The following SLC8A1 variants were observed in gnomAD, a reference collection of about 807,000 sequenced individuals.
SLC8A1 encodes the protein solute carrier family 8 member A1, also known as sodium/calcium exchanger 1.
A neutral mutation model predicts 68.3 loss-of-function variants in SLC8A1; 18 were observed. The ratio of observed to expected loss-of-function variants is 0.26; its 90% confidence interval spans 0.18 to 0.39. SLC8A1 has a LOEUF of 0.39. SLC8A1 is among the 10% of genes least tolerant of loss of function. SLC8A1 has a pLI of 1.00. For missense variants in SLC8A1, 985 were observed against 1,156.7 expected, an observed-to-expected ratio of 0.85 and a Z score of 2.15; for synonymous variants, 475 against 415.5, an observed-to-expected ratio of 1.14 and a Z score of -1.74.
chr2:40,106,404 T>C (rs2034201116), exon 8 of SLC8A1: 3 of 152,094 alleles, frequency 2.0e-5, no homozygotes, highest in African/African-American at 7.2e-5. Context: ...CTTCTTTGGG[T>C]GCTAGACTCA....
intron 2 of SLC8A1, among the ~76,000 whole-genome samples, chr2:40,314,615 T>C (rs2074196305): frequency 6.6e-6 from 1 of 152,048 alleles, no homozygotes; most frequent in South Asian, 2.1e-4. Context: ...CTTAAAAATA[T>C]GATGTTTTCT....
At chr2:40,352,552 T>G (rs1360036607) in intron 2 of SLC8A1, among the ~76,000 whole-genome samples, 1 of 152,132 alleles carries the variant, frequency 6.6e-6, no homozygotes, top group Non-Finnish European at 1.5e-5. Context: ...TCCTAGAGAT[T>G]AGGAAAAATA....
intron 2 of SLC8A1, among the ~76,000 whole-genome samples, chr2:40,243,293 G>A (rs942386311): frequency 6.6e-5 from 10 of 152,158 alleles, no homozygotes; most frequent in African/African-American, 2.4e-4. Flanking sequence ...GACCAGCCTG[G>A]GCAACATGAT....
chr2:40,364,890 A>C (rs1675645340), intron 2 of SLC8A1, among the ~76,000 whole-genome samples: 1 of 152,064 alleles, frequency 6.6e-6, no homozygotes, highest in Non-Finnish European at 1.5e-5. Context: ...TTGAGAAATG[A>C]CAGGGAACAG....
intron 2 of SLC8A1, among the ~76,000 whole-genome samples, chr2:40,313,009 GTATA>G (rs2073943547): frequency 6.6e-6 from 1 of 151,708 alleles, no homozygotes; most frequent in Non-Finnish European, 1.5e-5. Context: ...CATATACTAC[GTATA>G]TACACACACA....
chr2:40,145,969 C>CT (rs59100198), intron 6 of SLC8A1, among the ~76,000 whole-genome samples: 2 of 30,646 alleles, frequency 6.5e-5, no homozygotes, highest in Admixed American at 5.2e-4. Context: ...GTTGATCTCT[C>CT]TTTTTTTTGT....
chr2:40,511,685 T>C (rs1200059602), intron 1 of SLC8A1, among the ~76,000 whole-genome samples: 1 of 151,776 alleles, frequency 6.6e-6, no homozygotes, highest in Non-Finnish European at 1.5e-5. Context: ...TTTCAGTCAG[T>C]AGAAAAAAAA....
intron 3 of SLC8A1, among the ~76,000 whole-genome samples, chr2:40,177,310 A>G (rs1183051427): frequency 6.6e-6 from 1 of 152,212 alleles, no homozygotes; most frequent in Non-Finnish European, 1.5e-5. Flanking sequence ...AGTTGCCATT[A>G]GGGTCATCTA....
At chr2:40,430,626 G>A (rs542287476) in intron 1 of SLC8A1, among the ~76,000 whole-genome samples, 98 of 152,268 alleles carry the variant, frequency 6.4e-4, no homozygotes, top group Middle Eastern at 3.4e-3. Flanking sequence ...ATATAGCCTT[G>A]CCTTATTAAA....
intron 2 of SLC8A1, among the ~76,000 whole-genome samples, chr2:40,372,736 A>G (rs1161359211): frequency 6.6e-6 from 1 of 152,102 alleles, no homozygotes; most frequent in Non-Finnish European, 1.5e-5. Flanking sequence ...GTTCTAGGGA[A>G]TCTTGCAGAA....
At chr2:40,466,355 C>T (rs1703672016) in intron 1 of SLC8A1, among the ~76,000 whole-genome samples, 1 of 152,076 alleles carries the variant, frequency 6.6e-6, no homozygotes, top group Non-Finnish European at 1.5e-5. Context: ...AACGATATAC[C>T]CGTCAGGAAG....
At chr2:40,217,289 T>C (rs931073530) in intron 2 of SLC8A1, among the ~76,000 whole-genome samples, 1 of 152,142 alleles carries the variant, frequency 6.6e-6, no homozygotes, top group Non-Finnish European at 1.5e-5. Context: ...GTCAAAGATC[T>C]GATGGTTGTA....
intron 2 of SLC8A1, among the ~76,000 whole-genome samples, chr2:40,324,557 T>C (rs999502053): frequency 6.6e-6 from 1 of 152,164 alleles, no homozygotes; most frequent in Non-Finnish European, 1.5e-5. Context: ...CAAAGTGAAG[T>C]AGCTCATTTG....
intron 7 of SLC8A1, among the ~76,000 whole-genome samples, chr2:40,137,515 A>G (rs1283606686): frequency 6.6e-6 from 1 of 152,200 alleles, no homozygotes; most frequent in Non-Finnish European, 1.5e-5. Flanking sequence ...AACCATAGGA[A>G]AAGTGGACTC....
At chr2:40,188,226 T>A (rs1198081861) in intron 2 of SLC8A1, among the ~76,000 whole-genome samples, 1 of 152,216 alleles carries the variant, frequency 6.6e-6, no homozygotes, top group African/African-American at 2.4e-5. Flanking sequence ...AGACTACCTA[T>A]TTTTCTATAA....
chr2:40,102,866 C>A (rs1289604819), exon 8 of SLC8A1: 1 of 152,130 alleles, frequency 6.6e-6, no homozygotes, highest in Non-Finnish European at 1.5e-5. Context: ...ACAGTCCTTA[C>A]TGCATTAAAA....
intron 5 of SLC8A1, among the ~76,000 whole-genome samples, chr2:40,164,596 G>C (rs2046236904): frequency 6.6e-6 from 1 of 152,052 alleles, no homozygotes; most frequent in Non-Finnish European, 1.5e-5. Flanking sequence ...CCTTCCCTTT[G>C]GGGCACCTCT....
At chr2:40,317,046 A>G (rs1415999855) in intron 2 of SLC8A1, among the ~76,000 whole-genome samples, 1 of 152,088 alleles carries the variant, frequency 6.6e-6, no homozygotes, top group East Asian at 1.9e-4. Flanking sequence ...AAATTGTGTT[A>G]AACTAATAGC....
chr2:40,396,917 G>C (rs552728863), intron 2 of SLC8A1, among the ~76,000 whole-genome samples: 213 of 152,210 alleles, frequency 1.4e-3, no homozygotes, highest in South Asian at 0.014. Flanking sequence ...GACGGTGTTA[G>C]GGGAGGTGGG....
Sources: allele counts gnomAD v4.1 joint callset (sites outside exome capture counted in the v4.1 genomes callset), GRCh38; gene constraint gnomAD v4.1.1; transcripts MANE v1.5; gene names NCBI Gene and HGNC (gene_info 2026-07-23, HGNC 2026-07-21).